The following C3orf38 variants were observed in gnomAD, a reference collection of about 807,000 sequenced individuals.
The protein encoded by C3orf38 is uncharacterized protein C3orf38.
In C3orf38, 18 loss-of-function variants were observed where a neutral mutation model predicts 28.3. That is an observed-to-expected ratio of 0.64 (90% CI 0.44 to 0.94). The LOEUF is 0.94. C3orf38 is among the 40% of genes least tolerant of loss of function. The pLI is 0.00. For missense variants in C3orf38, 364 were observed against 396.4 expected, an observed-to-expected ratio of 0.92 and a Z score of 0.69; for synonymous variants, 145 against 138.1, an observed-to-expected ratio of 1.05 and a Z score of -0.35.
rs11374933 is a variant in C3orf38 at position 88,150,035 on chromosome 3, T to TCC, written c.-12_-11dup. ...GGGGCGACATTGTTGCCGTTGTCTT[T>TCC]CCCCCCCAGTCCCGGGGATGGAGAT... On this transcript the variant is annotated 5_prime_UTR_variant, in exon 1 of 3. Transcript: ENST00000318887. The TCC allele has an allele frequency of 2.9e-4, 470 of 1,604,348 alleles. 1 individual carries two copies. Among genetic ancestry groups the TCC allele is most frequent in the South Asian group, 1.2e-3 (107 of 90,496 alleles).
chr3:88,155,990 AT>A (rs1427115300), intron 2 of C3orf38, 30 bp from the exon 3 acceptor site: 1 of 1,485,690 alleles, frequency 6.7e-7, no homozygotes, highest in Non-Finnish European at 9.0e-7. Context: ...CCTTAGTGTT[AT>A]TTTGTATTTA....
rs1312522152 is a variant in C3orf38, at chr3:88,157,043, T to G, written c.*408T>G. On this transcript the variant is annotated 3_prime_UTR_variant, in exon 3 of 3. Transcript: ENST00000318887. ...GGTCCAGGCTTCCCCTCTTTAAGTT[T>G]CATGTTTACTTTTGTCTAACTCTGG... The G allele has an allele frequency of 6.4e-6, 1 of 157,034 alleles. No homozygotes were observed. Among genetic ancestry groups the G allele is most frequent in the Non-Finnish European group, 1.4e-5 (1 of 71,484 alleles). The allele number at this position is 157,034 out of a possible 1,614,324, so 9.7% of individuals were successfully genotyped here.
At position 88,153,478 on chromosome 3, in the gene C3orf38, T is replaced by A. The variant is rs573040275; in HGVS notation, c.375+7T>A. ...CATCCACCTATTTCAACAGGTAAAA[T>A]AAATCTTATGGTTGTATTCTGAACC... On this transcript the variant is annotated splice_region_variant and intron_variant, in intron 2 of 2. Coordinates refer to ENST00000318887, the MANE Select transcript of C3orf38 (RefSeq NM_173824.4). The A allele has an allele frequency of 6.2e-7, 1 of 1,613,544 alleles. No homozygotes were observed. Among genetic ancestry groups the A allele is most frequent in the African/African-American group, 1.3e-5 (1 of 74,960 alleles).
At chr3:88,152,551 A>G (rs1437124424) in intron 1 of C3orf38, among the ~76,000 whole-genome samples, 2 of 152,118 alleles carry the variant, frequency 1.3e-5, no homozygotes, top group East Asian at 1.9e-4. Flanking sequence ...TCATGAGGTC[A>G]GGAGATCGAG....
chr3:88,157,175 A>G lies in C3orf38; in HGVS notation c.*540A>G, dbSNP rs1362206420. ...AAAGTTCTCATTTTAGAAAATTTAA[A>G]TAACATTCTTTTTGCAAAAAAGTCC... is the stretch of plus-strand genomic sequence containing the variant. On this transcript the variant is annotated 3_prime_UTR_variant, in exon 3 of 3. Coordinates refer to ENST00000318887, the MANE Select transcript of C3orf38 (RefSeq NM_173824.4). 6.6e-6 allele frequency: 1 copy of G among 152,270 alleles called. No individual in the cohort carries two copies. The highest frequency in any genetic ancestry group is 6.5e-5 in the Admixed American group (1 of 15,282). The allele number at this position is 152,270 out of a possible 1,614,324, so 9.4% of individuals were successfully genotyped here.
In C3orf38 at chr3:88,156,140, T is replaced by A. The variant is rs545413720; in HGVS notation, c.495T>A (p.Asp165Glu). The A allele has an allele frequency of 3.7e-6, 6 of 1,613,832 alleles. No individual in the cohort carries two copies. The African/African-American group carries it at 4.0e-5, about 11-fold the overall frequency. The change falls in exon 3 of 3, where the codon GAT (aspartate) becomes GAA (glutamate). Residue 165 changes from aspartate to glutamate, a missense_variant. Asp to Glu is a conservative substitution (Grantham distance 45, BLOSUM62 2). Transcript: ENST00000318887. ...ATCCTTTTCTAGGACCACCTCAAGA[T>A]GAATGGGGACCACAGCACTTCTGGC... ...SQNPFLGPPQ[D>E]EWGPQHFWHD... is the part of the protein sequence containing the mutation.
rs929815455 is a variant in C3orf38, at chr3:88,157,429, G to T, written c.*794G>T. 6.6e-6 allele frequency: 1 copy of T among 152,130 alleles called. No homozygotes were observed. The highest frequency in any genetic ancestry group is 1.5e-5 in the Non-Finnish European group (1 of 68,002). The allele number at this position is 152,130 out of a possible 1,614,324, so 9.4% of individuals were successfully genotyped here. On this transcript the variant is annotated 3_prime_UTR_variant, in exon 3 of 3. Transcript: ENST00000318887. ...CTGTAATACAATATAAAGGAAATAT[G>T]CTGTTGAAATTTTAAAGGTATGCCC... is the stretch of plus-strand genomic sequence containing the variant.
chr3:88,156,241 G>C lies in C3orf38; in HGVS notation c.596G>C (p.Ser199Thr), dbSNP rs1314369148. 6.2e-7 allele frequency: 1 copy of C among 1,613,976 alleles called. No homozygotes were observed. Among genetic ancestry groups the C allele is most frequent in the Non-Finnish European group, 8.5e-7 (1 of 1,180,038 alleles). The change falls in exon 3 of 3, where the codon AGC becomes ACC. Residue 199 changes from serine to threonine, a missense_variant. Physicochemically the swap from Ser to Thr is moderately conservative, Grantham distance 58. Transcript: ENST00000318887. ...GACTACCATGGAGCAGAAATCGTGAGCCTTCGTTTGCTGTCACTAGTAAAA... is the reference window on the plus strand; with the variant it reads ...GACTACCATGGAGCAGAAATCGTGACCCTTCGTTTGCTGTCACTAGTAAAA... The part of the protein sequence containing the change: ...VMDYHGAEIV[S>T]LRLLSLVKEE...
rs1559744857 is a variant in C3orf38, at chr3:88,150,036, C to CT, written c.-17_-16insT. ...GGGCGACATTGTTGCCGTTGTCTTTCCCCCCCAGTCCCGGGGATGGAGATG... is the reference window on the plus strand; with the variant it reads ...GGGCGACATTGTTGCCGTTGTCTTTCTCCCCCCAGTCCCGGGGATGGAGATG... On this transcript the variant is annotated 5_prime_UTR_variant, in exon 1 of 3. Transcript: ENST00000318887. 6 of 1,470,362 alleles carry CT rather than the reference C, an allele frequency of 4.1e-6. No homozygotes were observed. The highest frequency in any genetic ancestry group is 4.5e-6 in the Non-Finnish European group (5 of 1,108,812). The allele number at this position is 1,470,362 out of a possible 1,614,324, so 91.1% of individuals were successfully genotyped here. A position where few individuals can be genotyped will look rare whatever the true frequency, so the allele number is the denominator to read the frequency against.
intron 1 of C3orf38, among the ~76,000 whole-genome samples, 169 bp downstream of exon 1, chr3:88,150,354 T>G (rs1707391474): frequency 6.6e-6 from 1 of 152,234 alleles, no homozygotes; most frequent in Non-Finnish European, 1.5e-5. Context: ...GTGGCGGTGA[T>G]AATGGCACGG....
At chr3:88,151,121 T>C (rs1376687139) in intron 1 of C3orf38, 1 of 152,104 alleles carries the variant, frequency 6.6e-6, no homozygotes, top group Non-Finnish European at 1.5e-5. Context: ...CATTTAATTA[T>C]AGGGTATCTA....
chr3:88,150,220 C>G (rs764517110), intron 1 of C3orf38, 35 bp downstream of exon 1: 16 of 1,610,636 alleles, frequency 9.9e-6, no homozygotes, highest in African/African-American at 2.7e-5. Context: ...AGGCTGCCGC[C>G]CCTTCCCCGG....
In C3orf38 at chr3:88,156,293, C is replaced by G; in HGVS notation, c.648C>G (p.Asn216Lys). The G allele has an allele frequency of 6.2e-7, 1 of 1,614,196 alleles. No homozygotes were observed. Among genetic ancestry groups the G allele is most frequent in the Non-Finnish European group, 8.5e-7 (1 of 1,180,046 alleles). The part of the protein sequence containing the change: ...VKEEFLFLSP[N>K]LDSHGLKCAS... Reference sequence around the variant, plus strand: ...AAGAATTTCTTTTTCTCAGCCCCAACCTAGATTCACATGGACTGAAATGTG... The same window carrying G: ...AAGAATTTCTTTTTCTCAGCCCCAAGCTAGATTCACATGGACTGAAATGTG... The change falls in exon 3 of 3, where the codon AAC (asparagine) becomes AAG (lysine). Residue 216 changes from asparagine to lysine, a missense_variant. Coordinates refer to ENST00000318887, the MANE Select transcript of C3orf38 (RefSeq NM_173824.4).
intron 1 of C3orf38, among the ~76,000 whole-genome samples, chr3:88,152,189 G>A (rs552952853): frequency 8.5e-5 from 13 of 152,114 alleles, no homozygotes; most frequent in African/African-American, 3.1e-4. Flanking sequence ...GCCGAGGCAA[G>A]CGGATCATCT....
chr3:88,155,428 T>TTTATATGTTTTTATATA (rs1707465978), intron 2 of C3orf38, among the ~76,000 whole-genome samples: 1 of 146,108 alleles, frequency 6.8e-6, no homozygotes, highest in Admixed American at 6.9e-5. Flanking sequence ...CATCATATAA[T>TTTATATGTTTTTATATA]TTATATATTT....
At position 88,156,014 on chromosome 3, in the gene C3orf38, C is replaced by T. The variant is rs1321727280; in HGVS notation, c.376-7C>T. 3 of 1,518,356 alleles carry T rather than the reference C, an allele frequency of 2.0e-6. No homozygotes were observed. Among genetic ancestry groups the T allele is most frequent in the Non-Finnish European group, 2.6e-6 (3 of 1,134,428 alleles). The allele number at this position is 1,518,356 out of a possible 1,614,324, so 94.1% of individuals were successfully genotyped here. On this transcript the variant is annotated splice_region_variant and splice_polypyrimidine_tract_variant and intron_variant, in intron 2 of 2. Transcript: ENST00000318887. ...TATTTTGTATTTATTTTATTTGTTT[C>T]AATCAGCAGGTGAAAGAAGATAAAA...
rs1440208257 is a variant in C3orf38 at position 88,153,460 on chromosome 3, C to T, written c.364C>T (p.Leu122=). 1.2e-6 allele frequency: 2 copies of T among 1,613,910 alleles called. No individual in the cohort carries two copies. Among genetic ancestry groups the T allele is most frequent in the Admixed American group, 1.7e-5 (1 of 59,964 alleles). The change falls in exon 2 of 3, where the codon CTA becomes TTA. Residue 122 remains leucine (L), a synonymous_variant. Transcript: ENST00000318887. ...AGTTACAAAGACAGAGGACATCCACCTATTTCAACAGGTAAAATAAATCTT... is the reference window on the plus strand; with the variant it reads ...AGTTACAAAGACAGAGGACATCCACTTATTTCAACAGGTAAAATAAATCTT... ...EPVTKTEDIH[L]FQQQVKEDKK...
chr3:88,157,938 G>A lies in C3orf38; in HGVS notation c.*1303G>A, dbSNP rs1230579376. The A allele has an allele frequency of 6.6e-6, 1 of 152,034 alleles. No homozygotes were observed. The highest frequency in any genetic ancestry group is 2.4e-5 in the African/African-American group (1 of 41,404). The allele number at this position is 152,034 out of a possible 1,614,324, so 9.4% of individuals were successfully genotyped here. ...TGTCCTAAAATAAGAACTTAATAAA[G>A]GAGGGAAATCCCTTTTGTCTGCTAT... On this transcript the variant is annotated 3_prime_UTR_variant, in exon 3 of 3. Transcript: ENST00000318887.
rs368545354 is a variant in C3orf38 at position 88,156,224 on chromosome 3, T to C, written c.579T>C (p.His193=). ...CAGAACAAAATGTTATGGACTACCATGGAGCAGAAATCGTGAGCCTTCGTT... is the reference window on the plus strand; with the variant it reads ...CAGAACAAAATGTTATGGACTACCACGGAGCAGAAATCGTGAGCCTTCGTT... ...NTSEQNVMDY[H]GAEIVSLRLL... The change falls in exon 3 of 3, where the codon CAT becomes CAC. Residue 193 remains histidine (H), a synonymous_variant. Coordinates refer to ENST00000318887, the MANE Select transcript of C3orf38 (RefSeq NM_173824.4). 2 of 1,613,996 alleles carry C rather than the reference T, an allele frequency of 1.2e-6. No homozygotes were observed. The highest frequency in any genetic ancestry group is 2.7e-5 in the African/African-American group (2 of 74,920).
Sources: gnomAD v4.1 joint callset for allele counts (sites outside exome capture counted in the v4.1 genomes callset) on GRCh38, gnomAD v4.1.1 for gene constraint, MANE v1.5 for transcripts, NCBI Gene and HGNC (gene_info 2026-07-23, HGNC 2026-07-21) for gene names.